The following ERICH1 variants were observed in gnomAD, a reference collection of about 807,000 sequenced individuals.
The protein encoded by ERICH1 is glutamate rich 1.
A neutral mutation model predicts 39.6 loss-of-function variants in ERICH1; 56 were observed. The observed-to-expected ratio is 1.41, with a 90% confidence interval of 1.14 to 1.77. ERICH1 has a LOEUF of 1.77. Among genes scored for constraint, ERICH1 ranks in the 40% most tolerant of loss-of-function variants. The pLI is 0.00. For missense variants in ERICH1, 826 were observed against 575.4 expected, an observed-to-expected ratio of 1.44 and a Z score of -4.45; for synonymous variants, 313 against 223.6, an observed-to-expected ratio of 1.40 and a Z score of -3.57.
intron 3 of ERICH1, among the ~76,000 whole-genome samples, chr8:687,660 G>A (rs1462444053): frequency 6.6e-6 from 1 of 152,118 alleles, no homozygotes; most frequent in East Asian, 1.9e-4. Context: ...CGCCCGGGCG[G>A]CCCAGGCGAG....
intron 3 of ERICH1, among the ~76,000 whole-genome samples, chr8:641,559 C>T (rs1012198317): frequency 2.0e-5 from 3 of 152,220 alleles, no homozygotes; most frequent in African/African-American, 7.2e-5. Context: ...CATTCCACAT[C>T]GAAAGACCTT....
chr8:662,763 G>A (rs1322214039), downstream of ERICH1, among the ~76,000 whole-genome samples: 1 of 152,162 alleles, frequency 6.6e-6, no homozygotes, highest in Non-Finnish European at 1.5e-5. Flanking sequence ...GATGGAGGCA[G>A]GAGTCCGGCT....
At chr8:675,101 A>G (rs555009799) in intron 3 of ERICH1, among the ~76,000 whole-genome samples, 26 of 150,718 alleles carry the variant, frequency 1.7e-4, no homozygotes, top group Admixed American at 4.0e-4. Flanking sequence ...TCAACACCTC[A>G]GTGAGGACAG....
chr8:706,717 C>G (rs1485810236), intron 2 of ERICH1, among the ~76,000 whole-genome samples: 1 of 152,110 alleles, frequency 6.6e-6, no homozygotes. Context: ...TTGTGGTGAG[C>G]CAAGATCATG....
intron 1 of ERICH1, among the ~76,000 whole-genome samples, chr8:717,645 CA>C (rs541564567): frequency 3.7e-4 from 57 of 152,352 alleles, no homozygotes; most frequent in African/African-American, 1.2e-3. Context: ...AATTCTAAGA[CA>C]AAACCATAAC....
chr8:711,901 T>C (rs1669617), intron 2 of ERICH1, among the ~76,000 whole-genome samples: 42,081 of 152,136 alleles, frequency 0.28, 6,031 homozygotes, highest in East Asian at 0.41. Context: ...GTTGAAAAGA[T>C]CATTCACTGA....
At chr8:679,579 A>G (rs1805653911) in intron 3 of ERICH1, among the ~76,000 whole-genome samples, 2 of 152,238 alleles carry the variant, frequency 1.3e-5, no homozygotes, top group Non-Finnish European at 2.9e-5. Context: ...TATTCCATGC[A>G]AGATATTCAC....
At chr8:680,823 G>A (rs537177975) in intron 3 of ERICH1, among the ~76,000 whole-genome samples, 2 of 152,282 alleles carry the variant, frequency 1.3e-5, no homozygotes, top group South Asian at 2.1e-4. Context: ...AGATCGCCCC[G>A]CTGCCCCAGT....
chr8:727,410 A>G (rs1819024857), intron 1 of ERICH1, among the ~76,000 whole-genome samples: 1 of 152,210 alleles, frequency 6.6e-6, no homozygotes, highest in Non-Finnish European at 1.5e-5. Flanking sequence ...GTGCAGGAGA[A>G]ACCAGAAGAT....
Position 664,622 on chromosome 8 carries a change from G to C in ERICH1, c.1313C>G (p.Pro438Arg). 2.5e-6 allele frequency: 4 copies of C among 1,612,288 alleles called. No homozygotes were observed. Among genetic ancestry groups the C allele is most frequent in the Non-Finnish European group, 3.4e-6 (4 of 1,179,412 alleles). ...FFSYWITHILPEKSSD is the reference protein window; with the variant it reads ...FFSYWITHILREKSSD ...TCCATTTTAGTCACTGCTCTTCTCA[G>C]GAAGGATATGTGTGATCCAGTAACT... The change falls in exon 6 of 6, where the codon CCT becomes CGT. Residue 438 changes from proline (P) to arginine (R), a missense_variant. Pro to Arg is a moderately radical substitution (Grantham distance 103, BLOSUM62 -2). Coordinates refer to ENST00000262109, the MANE Select transcript of ERICH1 (RefSeq NM_207332.3).
At position 688,261 on chromosome 8, in the gene ERICH1, C is replaced by CCCG. The variant is rs1190827425; in HGVS notation, c.304+4216_304+4217insCGG. Among the ~76,000 whole-genome samples the CCCG allele has an allele frequency of 2.0e-5, 3 of 150,554 alleles. No homozygotes were observed. In the East Asian group the frequency reaches 5.9e-4, roughly 30 times the overall value. ...CAGAAAAGGTAAAGCGGCACCCCGCCCCCAGTTCCGCCCGTCCCCGCCCCG... is the reference window on the plus strand; with the variant it reads ...CAGAAAAGGTAAAGCGGCACCCCGCCCCGCCCAGTTCCGCCCGTCCCCGCCCCG... On this transcript the variant is annotated intron_variant, in intron 3 of 5. Transcript: ENST00000262109.
chr8:656,783 G>C (rs757645260), intron 3 of ERICH1: 320 of 985,368 alleles, frequency 3.2e-4, no homozygotes, highest in Non-Finnish European at 3.8e-4. Context: ...GTGCACAGCA[G>C]TGGTTCCCAG....
intron 3 of ERICH1, chr8:616,433 C>CGG: frequency 6.9e-6 from 3 of 435,548 alleles, no homozygotes; most frequent in Non-Finnish European, 1.4e-5. Flanking sequence ...CCGCACACCC[C>CGG]ATGCTCTCCT....
intron 3 of ERICH1, among the ~76,000 whole-genome samples, chr8:656,223 C>G (rs1800643495): frequency 6.6e-6 from 1 of 152,166 alleles, no homozygotes; most frequent in African/African-American, 2.4e-5. Context: ...CTGTTTTCCC[C>G]TACAAGCCTC....
At chr8:716,147 C>A (rs761418047) in intron 1 of ERICH1, 140 bp from the exon 2 acceptor site, 4 of 1,054,050 alleles carry the variant, frequency 3.8e-6, no homozygotes, top group Non-Finnish European at 5.2e-6. Context: ...GGTCCTCCCA[C>A]GCTGGGCACT....
At position 670,244 on chromosome 8, in the gene ERICH1, T is replaced by G. The variant is rs1356307927; in HGVS notation, c.1064-1452A>C. Among the ~76,000 whole-genome samples, 9 of 152,364 alleles carry G rather than the reference T, an allele frequency of 5.9e-5. No homozygotes were observed. In the East Asian group the frequency reaches 1.7e-3, roughly 29 times the overall value. On this transcript the variant is annotated intron_variant, in intron 4 of 5. Transcript: ENST00000262109. ...ATTATTTTAGTAGATTCAAATTACC[T>G]GGCGAAATGCTCCAATTTTTCCTTT...
intron 2 of ERICH1, among the ~76,000 whole-genome samples, chr8:695,103 T>C (rs1396942862): frequency 7.0e-6 from 1 of 142,180 alleles, no homozygotes; most frequent in Non-Finnish European, 1.6e-5. Flanking sequence ...TTCGCAGGTG[T>C]CATTGACCTG....
chr8:707,208 C>T (rs140429706), intron 2 of ERICH1, among the ~76,000 whole-genome samples: 34 of 136,400 alleles, frequency 2.5e-4, no homozygotes, highest in Non-Finnish European at 3.7e-4. Flanking sequence ...TTTTTTGTTT[C>T]TTTTTTTTTT....
At chr8:635,210 G>C (rs1056552630) in intron 3 of ERICH1, among the ~76,000 whole-genome samples, 5 of 152,172 alleles carry the variant, frequency 3.3e-5, no homozygotes, top group African/African-American at 9.7e-5. Flanking sequence ...AGGCCCCTCA[G>C]CCTCAGGAAA....
Sources: gnomAD v4.1 joint callset for allele counts (sites outside exome capture counted in the v4.1 genomes callset) on GRCh38, gnomAD v4.1.1 for gene constraint, MANE v1.5 for transcripts, NCBI Gene and HGNC (gene_info 2026-07-23, HGNC 2026-07-21) for gene names.